LRFN2: variants seen among roughly 807,000 people sequenced by gnomAD.
The protein encoded by LRFN2 is leucine-rich repeat and fibronectin type-III domain-containing protein 2.
LRFN2 carries 18 observed loss-of-function variants against 37.3 expected under a neutral mutation model. The observed-to-expected ratio is 0.48, with a 90% CI of 0.33 to 0.72. The LOEUF (loss-of-function observed/expected upper bound fraction) is 0.72, where lower values mean the gene tolerates loss of function less well. Ranked by LOEUF, LRFN2 falls within the 30% of genes least tolerant of loss-of-function variation. The pLI, the probability that LRFN2 is intolerant of heterozygous loss-of-function variation, is 0.02. For missense variants in LRFN2, 1,006 were observed against 1,060.7 expected, an observed-to-expected ratio of 0.95 and a Z score of 0.72; for synonymous variants, 556 against 466.6, an observed-to-expected ratio of 1.19 and a Z score of -2.47.
chr6:40,466,531 TA>T (rs1373145857), intron 1 of LRFN2, among the ~76,000 whole-genome samples: 2 of 152,126 alleles, frequency 1.3e-5, no homozygotes, highest in African/African-American at 4.8e-5. Flanking sequence ...CATGAGATGA[TA>T]CAGGCAGAAA....
intron 1 of LRFN2, among the ~76,000 whole-genome samples, chr6:40,544,262 C>T (rs1051578233): frequency 6.6e-6 from 1 of 152,224 alleles, no homozygotes; most frequent in Non-Finnish European, 1.5e-5. Flanking sequence ...AGTGTCTCAC[C>T]CATTCCCATT....
chr6:40,404,142 T>C (rs1762797695), intron 2 of LRFN2, among the ~76,000 whole-genome samples: 1 of 152,212 alleles, frequency 6.6e-6, no homozygotes, highest in Non-Finnish European at 1.5e-5. Flanking sequence ...CCAGGCTTGT[T>C]ACTCCACTCC....
intron 1 of LRFN2, among the ~76,000 whole-genome samples, chr6:40,446,115 C>T (rs2113838079): frequency 6.6e-6 from 1 of 152,258 alleles, no homozygotes; most frequent in African/African-American, 2.4e-5. Context: ...GGGGACCTCA[C>T]CATTAGTTTA....
At chr6:40,475,315 C>G (rs1320055319) in intron 1 of LRFN2, among the ~76,000 whole-genome samples, 1 of 152,114 alleles carries the variant, frequency 6.6e-6, no homozygotes, top group Non-Finnish European at 1.5e-5. Context: ...AGTAGGGCCC[C>G]TGGAGGAAAA....
chr6:40,419,814 C>T (rs1382297365), intron 2 of LRFN2, among the ~76,000 whole-genome samples: 13 of 152,140 alleles, frequency 8.5e-5, no homozygotes, highest in African/African-American at 2.9e-4. Flanking sequence ...CTCATAGCCC[C>T]CCAGAATATG....
At chr6:40,496,236 C>G (rs1487137597) in intron 1 of LRFN2, among the ~76,000 whole-genome samples, 1 of 152,222 alleles carries the variant, frequency 6.6e-6, no homozygotes, top group East Asian at 1.9e-4. Flanking sequence ...TCACCATCCT[C>G]TCTCACTTGG....
At chr6:40,511,459 G>A (rs1030669136) in intron 1 of LRFN2, among the ~76,000 whole-genome samples, 3 of 152,176 alleles carry the variant, frequency 2.0e-5, no homozygotes, top group African/African-American at 4.8e-5. Flanking sequence ...TGTTATCCAC[G>A]GGAAGTAGGG....
rs1320332640 is a variant in LRFN2, at chr6:40,391,950, G to A, written c.2363C>T (p.Thr788Met). Reference sequence around the variant, plus strand: ...GAGCATGCCCACCCCCACCTAGACCGTGCTCTCCATCACCCATTCGGAGCT... The same window carrying A: ...GAGCATGCCCACCCCCACCTAGACCATGCTCTCCATCACCCATTCGGAGCT... ...FGSSEWVMESTV is the reference protein window; with the variant it reads ...FGSSEWVMESMV The change falls in exon 3 of 3, where the codon ACG becomes ATG. Residue 788 changes from threonine to methionine, a missense_variant. By Grantham distance (81) the Thr-to-Met change is moderately conservative (BLOSUM62 -1). Transcript: ENST00000338305. 8 of 1,553,696 alleles carry A rather than the reference G, an allele frequency of 5.1e-6. No homozygotes were observed. Among genetic ancestry groups the A allele is most frequent in the Non-Finnish European group, 7.0e-6 (8 of 1,144,208 alleles).
intron 1 of LRFN2, among the ~76,000 whole-genome samples, chr6:40,441,761 C>T (rs1268940571): frequency 6.6e-6 from 1 of 152,172 alleles, no homozygotes; most frequent in East Asian, 1.9e-4. Flanking sequence ...CCTCGTGTCA[C>T]ACAATGAGAT....
rs141679862 is a variant in LRFN2, at chr6:40,409,528, C to A, written c.1401-16616G>T. Among the ~76,000 whole-genome samples, 1,225 of 152,228 alleles carry A rather than the reference C, an allele frequency of 8.0e-3. 7 individuals are homozygous for A. Among genetic ancestry groups the A allele is most frequent in the South Asian group, 0.015 (72 of 4,822 alleles). ...ATGTTTGCATTTGGTATTTGAAGATCAGTTTCAAATGTTGGCCCCACCATC... is the reference window on the plus strand; with the variant it reads ...ATGTTTGCATTTGGTATTTGAAGATAAGTTTCAAATGTTGGCCCCACCATC... On this transcript the variant is annotated intron_variant, in intron 2 of 2. Coordinates refer to ENST00000338305, the MANE Select transcript of LRFN2 (RefSeq NM_020737.3).
At chr6:40,519,550 C>G (rs999190661) in intron 1 of LRFN2, among the ~76,000 whole-genome samples, 1 of 152,216 alleles carries the variant, frequency 6.6e-6, no homozygotes, top group Non-Finnish European at 1.5e-5. Context: ...TCTTGTGCCT[C>G]CACTATGGCC....
chr6:40,578,796 C>G (rs1004110451), intron 1 of LRFN2, among the ~76,000 whole-genome samples: 3 of 152,146 alleles, frequency 2.0e-5, no homozygotes, highest in Non-Finnish European at 2.9e-5. Context: ...CTATTATTAT[C>G]CTCATTTTGC....
chr6:40,518,181 A>G (rs958648765), intron 1 of LRFN2, among the ~76,000 whole-genome samples: 1 of 152,172 alleles, frequency 6.6e-6, no homozygotes. Context: ...AATAAGAACC[A>G]TTGTGGACAC....
At chr6:40,523,695 T>G (rs1766157727) in intron 1 of LRFN2, 1 of 152,174 alleles carries the variant, frequency 6.6e-6, no homozygotes. Flanking sequence ...TCATTGGCCC[T>G]GTTTACTCAT....
Position 40,538,554 on chromosome 6 carries a change from T to C in LRFN2, c.-19+48387A>G, listed in dbSNP as rs115373495. On this transcript the variant is annotated intron_variant, in intron 1 of 2. Transcript: ENST00000338305. The stretch of plus-strand genomic sequence containing the variant: ...CTGCAACAACAAATTGGCCACTATA[T>C]TGTCCTTGCTGCGCAAGATCCTCAT... Among the ~76,000 whole-genome samples the C allele has an allele frequency of 2.9e-3, 446 of 152,396 alleles. 1 individual carries two copies. The highest frequency in any genetic ancestry group is 5.1e-3 in the Non-Finnish European group (350 of 68,042).
At chr6:40,483,844 A>C (rs1005333553) in intron 1 of LRFN2, among the ~76,000 whole-genome samples, 2 of 152,166 alleles carry the variant, frequency 1.3e-5, no homozygotes, top group African/African-American at 4.8e-5. Context: ...CCTGAGGAGC[A>C]TCTGAATCCC....
At chr6:40,558,831 G>C (rs1648824666) in intron 1 of LRFN2, among the ~76,000 whole-genome samples, 1 of 152,180 alleles carries the variant, frequency 6.6e-6, no homozygotes, top group South Asian at 2.1e-4. Flanking sequence ...GAGGCACAAA[G>C]AGGTTATGTA....
At position 40,502,960 on chromosome 6, in the gene LRFN2, G is replaced by A. The variant is rs370513934; in HGVS notation, c.-18-69829C>T. Among the ~76,000 whole-genome samples the A allele has an allele frequency of 1.5e-3, 232 of 152,352 alleles. 2 individuals carry two copies. Among genetic ancestry groups the A allele is most frequent in the African/African-American group, 5.3e-3 (222 of 41,584 alleles). Reference sequence around the variant, plus strand: ...GGAGCTGAGATTGGAGATTCAGCATGCCAGCAGTGAGAGGATAATCTGGAC... The same window carrying A: ...GGAGCTGAGATTGGAGATTCAGCATACCAGCAGTGAGAGGATAATCTGGAC... On this transcript the variant is annotated intron_variant, in intron 1 of 2. Coordinates refer to ENST00000338305, the MANE Select transcript of LRFN2 (RefSeq NM_020737.3).
At chr6:40,448,036 C>G (rs1184280381) in intron 1 of LRFN2, among the ~76,000 whole-genome samples, 1 of 152,180 alleles carries the variant, frequency 6.6e-6, no homozygotes, top group South Asian at 2.1e-4. Context: ...GGAGGCCCAG[C>G]CTTTAGGTGT....
Sources: allele counts gnomAD v4.1 joint callset (sites outside exome capture counted in the v4.1 genomes callset), GRCh38; gene constraint gnomAD v4.1.1; transcripts MANE v1.5; gene names NCBI Gene and HGNC (gene_info 2026-07-23, HGNC 2026-07-21).